The following ICAM3 variants were observed in gnomAD, a reference collection of about 807,000 sequenced individuals.
The protein encoded by ICAM3 is intercellular adhesion molecule 3.
In ICAM3, 54 loss-of-function variants were observed where a neutral mutation model predicts 43.6. That is an observed-to-expected ratio of 1.24 (90% CI 0.99 to 1.55). The LOEUF is 1.55. Among genes scored for constraint, ICAM3 ranks in the 40% most tolerant of loss-of-function variants. The pLI is 0.00. For synonymous variants in ICAM3, 306 were observed against 312.6 expected, an observed-to-expected ratio of 0.98 and a Z score of 0.22; for missense variants, 715 against 717.9, an observed-to-expected ratio of 1.00 and a Z score of 0.05.
At position 10,338,812 on chromosome 19, in the gene ICAM3, C is replaced by G; in HGVS notation, c.213G>C (p.Lys71Asn). The change falls in exon 2 of 7, where the codon AAG becomes AAC. Residue 71 changes from lysine to asparagine, a missense_variant. Physicochemically the swap from Lys to Asn is moderately conservative, Grantham distance 94. Transcript: ENST00000160262. ...AGCCCATGCCACTGGCCACCAGCTC[C>G]TTTGATAGGGACGTCTCCAAGGCGA... is the stretch of plus-strand genomic sequence containing the variant. ...EKIALETSLSKELVASGMGWA... is the reference protein window; with the variant it reads ...EKIALETSLSNELVASGMGWA... 1 of 1,614,216 alleles carries G rather than the reference C, an allele frequency of 6.2e-7. No homozygotes were observed. Among genetic ancestry groups the G allele is most frequent in the Non-Finnish European group, 8.5e-7 (1 of 1,180,044 alleles).
chr19:10,335,540 C>T lies in ICAM3; in HGVS notation c.649+131G>A, dbSNP rs571308418. Reference sequence around the variant, plus strand: ...GGCCTCCCTTCCGGGGCCACCTTGCCCAGTGGCCGGGGGCTTTCCTTCCCA... The same window carrying T: ...GGCCTCCCTTCCGGGGCCACCTTGCTCAGTGGCCGGGGGCTTTCCTTCCCA... On this transcript the variant is annotated intron_variant, in intron 3 of 6. Transcript: ENST00000160262. 1.0e-5 allele frequency: 12 copies of T among 1,164,360 alleles called. No individual in the cohort carries two copies. The East Asian group carries it at 2.8e-4, about 27-fold the overall frequency. The allele number at this position is 1,164,360 out of a possible 1,614,324, so 72.1% of individuals were successfully genotyped here.
chr19:10,334,582 C>T lies in ICAM3; in HGVS notation c.1138G>A (p.Glu380Lys), dbSNP rs1242369406. The change falls in exon 5 of 7, where the codon GAG (glutamate) becomes AAG (lysine). Residue 380 changes from glutamate (E) to lysine (K), a missense_variant. Glu to Lys is a moderately conservative substitution (Grantham distance 56). Transcript: ENST00000160262. The surrounding 1 kb of genome is among the most constrained non-coding windows in gnomAD (Gnocchi z 5.5). ...GRSFFCSATLEVDGEFLHRNS... is the reference protein window; with the variant it reads ...GRSFFCSATLKVDGEFLHRNS... ...CTGTGCAAGAACTCGCCGTCCACCT[C>T]GAGAGTGGCACTGCAGAAGAAGCTG... The T allele has an allele frequency of 9.3e-6, 15 of 1,613,718 alleles. No homozygotes were observed. Among genetic ancestry groups the T allele is most frequent in the Admixed American group, 5.0e-5 (3 of 60,002 alleles).
At chr19:10,336,880 G>A (rs1459266180) in intron 2 of ICAM3, among the ~76,000 whole-genome samples, 1 of 150,788 alleles carries the variant, frequency 6.6e-6, no homozygotes, top group East Asian at 1.9e-4. Flanking sequence ...GAGGCCGAGG[G>A]AGGCGGATCA....
At chr19:10,335,381 C>CCCCCAGTCCTT in intron 3 of ICAM3, 28 bp from the exon 4 acceptor site, 1 of 1,546,706 alleles carries the variant, frequency 6.5e-7, no homozygotes, top group Admixed American at 1.9e-5. Flanking sequence ...CATAGTACAA[C>CCCCCAGTCCTT]CCCCAGGACT....
Position 10,333,855 on chromosome 19 carries a change from C to T in ICAM3, c.*2G>A. 1 of 1,612,800 alleles carries T rather than the reference C, an allele frequency of 6.2e-7. No homozygotes were observed. The highest frequency in any genetic ancestry group is 8.5e-7 in the Non-Finnish European group (1 of 1,178,874). On this transcript the variant is annotated 3_prime_UTR_variant, in exon 7 of 7. Coordinates refer to ENST00000160262, the MANE Select transcript of ICAM3 (RefSeq NM_002162.5). The surrounding 1 kb of genome is among the most constrained non-coding windows in gnomAD (Gnocchi z 4.2). ...CGCCAACTTTGATCCCGGATCCCAG[C>T]GTCACTCAGCTCTGGACGGTTCTTC...
intron 2 of ICAM3, 69 bp from the exon 3 acceptor site, chr19:10,336,045 GA>G: frequency 7.1e-7 from 1 of 1,403,716 alleles, no homozygotes; most frequent in Non-Finnish European, 9.5e-7. Context: ...AGGGACTGGG[GA>G]GGAGACAGGG....
Position 10,334,550 on chromosome 19 carries a change from A to G in ICAM3, c.1170T>C (p.Ser390=). The change falls in exon 5 of 7, where the codon AGT becomes AGC. Residue 390 remains serine (S), a synonymous_variant. Coordinates refer to ENST00000160262, the MANE Select transcript of ICAM3 (RefSeq NM_002162.5). This position sits in a 1 kb window ranked among gnomAD's most constrained non-coding sequence, Gnocchi z 5.5. ...EVDGEFLHRN[S]SVQLRVLYGP... ...CACACAGGACTCGCAGCTGGACGCT[A>G]CTGTTCCTGTGCAAGAACTCGCCGT... is the stretch of plus-strand genomic sequence containing the variant. 1.2e-6 allele frequency: 2 copies of G among 1,612,774 alleles called. No individual in the cohort carries two copies. The highest frequency in any genetic ancestry group is 1.7e-6 in the Non-Finnish European group (2 of 1,179,232).
rs2040579625 is a variant in ICAM3 at position 10,335,198 on chromosome 19, T to A, written c.805A>T (p.Asn269Tyr). 6.2e-7 allele frequency: 1 copy of A among 1,613,732 alleles called. No homozygotes were observed. Among genetic ancestry groups the A allele is most frequent in the African/African-American group, 1.3e-5 (1 of 74,902 alleles). The change falls in exon 4 of 7, where the codon AAC (asparagine) becomes TAC (tyrosine). Residue 269 changes from asparagine to tyrosine, a missense_variant. Asn to Tyr is a moderately radical substitution (Grantham distance 143, BLOSUM62 -2). Coordinates refer to ENST00000160262, the MANE Select transcript of ICAM3 (RefSeq NM_002162.5). ...GDQMLNATVM[N>Y]HGDTLTATAT... ...GTGGCCGTTAGCGTGTCCCCGTGGT[T>A]CATGACTGTCGCATTCAGCATCTGG...
chr19:10,335,910 A>G lies in ICAM3; in HGVS notation c.410T>C (p.Leu137Pro). 1 of 1,594,176 alleles carries G rather than the reference A, an allele frequency of 6.3e-7. No individual in the cohort carries two copies. The highest frequency in any genetic ancestry group is 8.5e-7 in the Non-Finnish European group (1 of 1,174,528). ...CGACCCATCCTCCACTTGGCAGCGC[A>G]GGGTGAAGTTCTGGCCCACCGGCTG... ...PWQPVGQNFT[L>P]RCQVEDGSPR... The change falls in exon 3 of 7, where the codon CTG becomes CCG. Residue 137 changes from leucine to proline, a missense_variant. By Grantham distance (98) the Leu-to-Pro change is moderately conservative. Transcript: ENST00000160262.
chr19:10,334,806 A>C lies in ICAM3; in HGVS notation c.938-24T>G. 6.4e-7 allele frequency: 1 copy of C among 1,555,960 alleles called. No homozygotes were observed. Among genetic ancestry groups the C allele is most frequent in the South Asian group, 1.2e-5 (1 of 83,034 alleles). ...GCCTAAAGGCGGGGCATTGCCCAGG[A>C]GCTTAATGAACAGGACCTTCCTGTG... On this transcript the variant is annotated intron_variant, in intron 4 of 6. Transcript: ENST00000160262. This position sits in a 1 kb window ranked among gnomAD's most constrained non-coding sequence, Gnocchi z 5.5.
At chr19:10,336,216 T>G in intron 2 of ICAM3, 1 of 483,466 alleles carries the variant, frequency 2.1e-6, no homozygotes, top group South Asian at 3.9e-5. Context: ...TTCTCAAAGA[T>G]GGCACAATAA....
rs769038760 is a variant in ICAM3, at chr19:10,334,589, G to A, written c.1131C>T (p.Ala377=). The A allele has an allele frequency of 6.2e-7, 1 of 1,613,808 alleles. No individual in the cohort carries two copies. Among genetic ancestry groups the A allele is most frequent in the Non-Finnish European group, 8.5e-7 (1 of 1,179,994 alleles). ...AGAACTCGCCGTCCACCTCGAGAGT[G>A]GCACTGCAGAAGAAGCTGCGTCCGT... ...SDDGRSFFCS[A]TLEVDGEFLH... Residue 377 remains alanine, a synonymous_variant, in exon 5 of 7, where the codon GCC becomes GCT. Transcript: ENST00000160262. The surrounding 1 kb of genome is among the most constrained non-coding windows in gnomAD (Gnocchi z 5.5).
intron 1 of ICAM3, 51 bp downstream of exon 1, chr19:10,339,479 CCCTCTACTG>C: frequency 2.1e-6 from 3 of 1,415,372 alleles, no homozygotes; most frequent in Non-Finnish European, 3.0e-6. Flanking sequence ...TATTCCTCTA[CCCTCTACTG>C]ATCCCCAAAA....
intron 2 of ICAM3, among the ~76,000 whole-genome samples, chr19:10,337,442 G>GA (rs1181934944): frequency 1.1e-4 from 16 of 145,636 alleles, no homozygotes; most frequent in African/African-American, 2.2e-4. Context: ...GAAAAGAAAA[G>GA]AAAAAAAAAA....
chr19:10,336,544 G>A (rs577386424), intron 2 of ICAM3, among the ~76,000 whole-genome samples: 2 of 152,314 alleles, frequency 1.3e-5, no homozygotes, highest in African/African-American at 4.8e-5. Flanking sequence ...TGTGGCTCAT[G>A]CCTGTAATCC....
rs201834441 is a variant in ICAM3 at position 10,339,521 on chromosome 19, C to A, written c.76+18G>T. The A allele has an allele frequency of 1.9e-6, 3 of 1,612,336 alleles. No homozygotes were observed. The highest frequency in any genetic ancestry group is 2.2e-5 in the South Asian group (2 of 90,986). On this transcript the variant is annotated intron_variant, in intron 1 of 6. Coordinates refer to ENST00000160262, the MANE Select transcript of ICAM3 (RefSeq NM_002162.5). Reference sequence around the variant, plus strand: ...AAACGCAGCCCTCTCCAGCCCTCCCCGGCTTGACTGGTCTCACCTGGGGTC... The same window carrying A: ...AAACGCAGCCCTCTCCAGCCCTCCCAGGCTTGACTGGTCTCACCTGGGGTC...
intron 3 of ICAM3, 81 bp downstream of exon 3, chr19:10,335,590 C>T: frequency 7.3e-7 from 1 of 1,374,768 alleles, no homozygotes; most frequent in Non-Finnish European, 1.0e-6. Flanking sequence ...CCGGGGTACC[C>T]CACTCTCAGG....
chr19:10,335,419 C>A (rs2040585597), intron 3 of ICAM3, 66 bp from the exon 4 acceptor site: 1 of 1,415,582 alleles, frequency 7.1e-7, no homozygotes, highest in South Asian at 1.3e-5. Flanking sequence ...CCCTCATCCC[C>A]CCCAGTCAGG....
intron 2 of ICAM3, 156 bp from the exon 3 acceptor site, chr19:10,336,132 T>C: frequency 1.5e-6 from 1 of 647,138 alleles, no homozygotes; most frequent in Non-Finnish European, 2.6e-6. Context: ...AAGCGTTTGC[T>C]ATTATCATTA....
Sources: gnomAD v4.1 joint callset for allele counts (sites outside exome capture counted in the v4.1 genomes callset) on GRCh38, gnomAD v4.1.1 for gene constraint, Gnocchi (gnomAD v3.1) non-coding constraint, MANE v1.5 for transcripts, NCBI Gene and HGNC (gene_info 2026-07-23, HGNC 2026-07-21) for gene names.